Variants in ZNF800 observed in about 807,000 individuals in gnomAD.
The protein encoded by ZNF800 is zinc finger protein 800.
In ZNF800, 13 loss-of-function variants were observed where a neutral mutation model predicts 59.5. The observed-to-expected ratio is 0.22, with a 90% confidence interval of 0.14 to 0.35. The LOEUF is 0.35. Among genes scored for constraint, ZNF800 ranks in the 10% least tolerant of loss-of-function variants. The pLI is 1.00. For missense variants in ZNF800, 621 were observed against 783.7 expected, an observed-to-expected ratio of 0.79 and a Z score of 2.48; for synonymous variants, 266 against 265.7, an observed-to-expected ratio of 1.00 and a Z score of -0.01.
chr7:127,383,435 C>G, intron 3 of ZNF800, among the ~76,000 whole-genome samples: 1 of 152,174 alleles, frequency 6.6e-6, no homozygotes, highest in Non-Finnish European at 1.5e-5. Flanking sequence ...ATAGCACCAC[C>G]AGGATAGTTC....
chr7:127,365,877 A>G (rs912141833), downstream of ZNF800, among the ~76,000 whole-genome samples: 11 of 152,142 alleles, frequency 7.2e-5, no homozygotes, highest in Non-Finnish European at 1.5e-4. Context: ...TAAGTGCTAG[A>G]AAGTATTTCA....
intron 1 of ZNF800, chr7:127,363,683 G>C (rs779582729): frequency 6.6e-6 from 1 of 151,828 alleles, no homozygotes; most frequent in Admixed American, 6.6e-5. Context: ...ATGATGCAAA[G>C]AAAGTTGGTA....
intron 2 of ZNF800, among the ~76,000 whole-genome samples, chr7:127,388,627 G>A (rs1441665156): frequency 1.7e-5 from 2 of 116,280 alleles, no homozygotes; most frequent in East Asian, 2.7e-4. Flanking sequence ...TGCTCCTTCT[G>A]TATAAAATAC....
At chr7:127,362,124 G>A (rs1206905192) in intron 1 of ZNF800, 1 of 152,082 alleles carries the variant, frequency 6.6e-6, no homozygotes, top group Admixed American at 6.6e-5. Context: ...AAGCCCCAGT[G>A]TAAGAACCAC....
chr7:127,378,051 G>A (rs1329254986), intron 3 of ZNF800, among the ~76,000 whole-genome samples: 1 of 151,936 alleles, frequency 6.6e-6, no homozygotes, highest in Non-Finnish European at 1.5e-5. Context: ...TTACAATTAA[G>A]TATTGATATA....
chr7:127,392,301 G>C lies in ZNF800; in HGVS notation c.-300C>G. On this transcript the variant is annotated 5_prime_UTR_variant, in exon 1 of 6. Transcript: ENST00000265827. ...CGAGACGACTGCGGCGGCGGCTCAC[G>C]GCGTCCTCCGCGCTGTGTGGCTAGG... 1 of 388,534 alleles carries C rather than the reference G, an allele frequency of 2.6e-6. No individual in the cohort carries two copies. Among genetic ancestry groups the C allele is most frequent in the Non-Finnish European group, 4.6e-6 (1 of 219,522 alleles). 24.1% of individuals were successfully genotyped at this position (388,534 alleles called of 1,614,324 possible). A position where few individuals can be genotyped will look rare whatever the true frequency, so the allele number is the denominator to read the frequency against.
At chr7:127,342,895 A>T (rs989136903), downstream of ZNF800, among the ~76,000 whole-genome samples, 1 of 152,184 alleles carries the variant, frequency 6.6e-6, no homozygotes, top group African/African-American at 2.4e-5. Context: ...TCTTTATTAA[A>T]GTAGCAACAT....
downstream of ZNF800, among the ~76,000 whole-genome samples, chr7:127,343,670 CA>C (rs1430838128): frequency 3.3e-5 from 5 of 151,548 alleles, no homozygotes; most frequent in Non-Finnish European, 7.4e-5. Flanking sequence ...AGGTAGAATT[CA>C]AAAATGTAAA....
chr7:127,392,013 C>A, intron 1 of ZNF800, 47 bp downstream of exon 1: 1 of 386,612 alleles, frequency 2.6e-6, no homozygotes, highest in South Asian at 1.4e-4. Flanking sequence ...GCGTTGGGGT[C>A]TCCCTGGCGG....
At chr7:127,371,884 ACAG>A in intron 5 of ZNF800, 70 bp from the exon 6 acceptor site, 1 of 666,342 alleles carries the variant, frequency 1.5e-6, no homozygotes, top group East Asian at 2.7e-5. Context: ...AAACTATGCA[ACAG>A]TAAATTACTT....
downstream of ZNF800, among the ~76,000 whole-genome samples, chr7:127,366,591 G>T (rs1800511379): frequency 6.6e-6 from 1 of 152,178 alleles, no homozygotes; most frequent in Non-Finnish European, 1.5e-5. Context: ...TGCTGATGCT[G>T]CATTGACCTA....
chr7:127,353,222 T>C (rs955923373), intron 1 of ZNF800, among the ~76,000 whole-genome samples: 13 of 152,194 alleles, frequency 8.5e-5, no homozygotes, highest in African/African-American at 3.1e-4. Flanking sequence ...TTGTTTCCTT[T>C]TGGGATGTTT....
chr7:127,385,562 A>G (rs1801112615), intron 3 of ZNF800, among the ~76,000 whole-genome samples: 2 of 152,194 alleles, frequency 1.3e-5, no homozygotes, highest in Admixed American at 6.5e-5. Context: ...TCTTTCTTCT[A>G]TCTTGCGCTC....
chr7:127,383,903 T>C (rs1801050302), intron 3 of ZNF800, among the ~76,000 whole-genome samples: 1 of 152,050 alleles, frequency 6.6e-6, no homozygotes. Context: ...AAAAGGCAAA[T>C]TTGCTGATAT....
At chr7:127,386,199 G>C in intron 2 of ZNF800, 44 bp from the exon 3 acceptor site, 1 of 1,245,298 alleles carries the variant, frequency 8.0e-7, no homozygotes, top group Non-Finnish European at 1.2e-6. Context: ...ACAAAAAAAG[G>C]GTTATTTAAA....
At chr7:127,382,643 A>C (rs745613187) in intron 3 of ZNF800, among the ~76,000 whole-genome samples, 3 of 152,128 alleles carry the variant, frequency 2.0e-5, no homozygotes, top group Non-Finnish European at 4.4e-5. Flanking sequence ...CAAGTGGAAA[A>C]CCTGCAGCTG....
In ZNF800 at chr7:127,374,572, T is replaced by G; in HGVS notation, c.764A>C (p.Lys255Thr). 6.2e-7 allele frequency: 1 copy of G among 1,614,140 alleles called. No homozygotes were observed. Among genetic ancestry groups the G allele is most frequent in the Non-Finnish European group, 8.5e-7 (1 of 1,179,988 alleles). Residue 255 changes from lysine to threonine, a missense_variant, in exon 5 of 6, where the codon AAA (lysine) becomes ACA (threonine). Around this residue, in one of 7 missense-constraint regions of ZNF800, gnomAD observed 218 missense variants for 230.8 expected, o/e 0.94. Transcript: ENST00000265827. The stretch of plus-strand genomic sequence containing the variant: ...GTACTTTTTTAGTTCTTCCATCTTT[T>G]TCTTGTGTACTTTTCGAATGTGACG... ...VRRHIRKVHK[K>T]KMEELKKYIE... is the part of the protein sequence containing the mutation.
chr7:127,383,471 T>C (rs910656241), intron 3 of ZNF800, among the ~76,000 whole-genome samples: 5 of 152,190 alleles, frequency 3.3e-5, no homozygotes, highest in African/African-American at 1.2e-4. Context: ...TGTGACCTAA[T>C]TGTAATGGAA....
chr7:127,373,328 T>G lies in ZNF800; in HGVS notation c.1994+14A>C. 1 of 1,554,120 alleles carries G rather than the reference T, an allele frequency of 6.4e-7. No individual in the cohort carries two copies. Among genetic ancestry groups the G allele is most frequent in the East Asian group, 2.3e-5 (1 of 44,216 alleles). On this transcript the variant is annotated intron_variant, in intron 5 of 5. Coordinates refer to ENST00000265827, the MANE Select transcript of ZNF800 (RefSeq NM_176814.5). The stretch of plus-strand genomic sequence containing the variant: ...TGGGGGGAAAAAAGCAAAACTCTGT[T>G]AACTGTTCCTCACCAGACAAGAGCC...
Sources: allele counts gnomAD v4.1 joint callset (sites outside exome capture counted in the v4.1 genomes callset), GRCh38; gene constraint gnomAD v4.1.1; regional missense constraint gnomAD v4.1.1; transcripts MANE v1.5; gene names NCBI Gene and HGNC (gene_info 2026-07-23, HGNC 2026-07-21).